Variants in TNFSF4 observed in about 807,000 individuals in gnomAD.
The protein encoded by TNFSF4 is TNF superfamily member 4.
A neutral mutation model predicts 7.3 loss-of-function variants in TNFSF4; 4 were observed. That is an observed-to-expected ratio of 0.55 (90% CI 0.27 to 1.25). The LOEUF is 1.25. Ranked by LOEUF, TNFSF4 falls within the 50% of genes most tolerant of loss-of-function variation. The probability of loss-of-function intolerance (pLI) is 0.12; values close to 1 mark genes in which losing one functional copy is unlikely to be tolerated. For synonymous variants in TNFSF4, 76 were observed against 83.7 expected (o/e 0.91, Z 0.50); for missense variants, 181 against 208.8 (o/e 0.87, Z 0.82).
the TNFSF4 span, among the ~76,000 whole-genome samples, chr1:173,173,837 A>G: frequency 5.3e-5 from 8 of 152,340 alleles, no homozygotes; most frequent in South Asian, 1.5e-3. Context: ...TCCAGGCCTC[A>G]GAGCCTGTGA....
chr1:173,193,929 A>G (rs571219812), intron 1 of TNFSF4, among the ~76,000 whole-genome samples: 1 of 152,342 alleles, frequency 6.6e-6, no homozygotes, highest in Admixed American at 6.5e-5. Context: ...CTAAATGTGC[A>G]TTAGAATCAC....
the TNFSF4 span, among the ~76,000 whole-genome samples, chr1:173,403,913 AAAG>A: frequency 1.3e-5 from 2 of 152,182 alleles, no homozygotes; most frequent in Admixed American, 6.5e-5. Context: ...AAAAAAAAAA[AAAG>A]AGAGTTTTCA....
At chr1:173,443,370 T>C in the TNFSF4 span, among the ~76,000 whole-genome samples, 5 of 152,302 alleles carry the variant, frequency 3.3e-5, no homozygotes, top group East Asian at 1.9e-4. Context: ...TAAATAAATT[T>C]TGATACTCAC....
chr1:173,374,430 T>TA, the TNFSF4 span, among the ~76,000 whole-genome samples: 58 of 152,046 alleles, frequency 3.8e-4, no homozygotes, highest in Non-Finnish European at 7.4e-4. Flanking sequence ...AGTGAAATCT[T>TA]AGATTCACCA....
the TNFSF4 span, among the ~76,000 whole-genome samples, chr1:173,427,419 C>G: frequency 1.3e-5 from 2 of 152,088 alleles, no homozygotes; most frequent in African/African-American, 2.4e-5. Flanking sequence ...AGCCCGCCCC[C>G]CCACTGACCC....
At chr1:173,441,751 G>A in the TNFSF4 span, among the ~76,000 whole-genome samples, 1 of 152,200 alleles carries the variant, frequency 6.6e-6, no homozygotes, top group Non-Finnish European at 1.5e-5. Flanking sequence ...TTGTGTATAG[G>A]TGAACAAGAA....
the TNFSF4 span, among the ~76,000 whole-genome samples, chr1:173,346,698 C>A: frequency 6.6e-6 from 1 of 152,054 alleles, no homozygotes; most frequent in Non-Finnish European, 1.5e-5. Context: ...AAATTATTAA[C>A]CCACCTTCCT....
chr1:173,362,895 T>C, the TNFSF4 span: 1 of 479,390 alleles, frequency 2.1e-6, no homozygotes, highest in Non-Finnish European at 4.2e-6. Context: ...AAATGGCACA[T>C]CACCCAAGCA....
the TNFSF4 span, among the ~76,000 whole-genome samples, chr1:173,321,560 A>C: frequency 6.6e-6 from 1 of 152,138 alleles, no homozygotes; most frequent in Admixed American, 6.5e-5. Flanking sequence ...AATGGGAGAA[A>C]ATTTTTGCAA....
the TNFSF4 span, among the ~76,000 whole-genome samples, chr1:173,411,752 A>G: frequency 6.6e-6 from 1 of 152,080 alleles, no homozygotes; most frequent in South Asian, 2.1e-4. Context: ...CAGTGAGCCA[A>G]GATCACACCA....
the TNFSF4 span, among the ~76,000 whole-genome samples, chr1:173,343,369 G>T: frequency 9.8e-4 from 149 of 152,222 alleles, no homozygotes; most frequent in African/African-American, 3.3e-3. Flanking sequence ...AGTTTGCCAT[G>T]CAGATATCTG....
chr1:173,308,267 T>TCTCTC, the TNFSF4 span, among the ~76,000 whole-genome samples: 652 of 132,890 alleles, frequency 4.9e-3, 5 homozygotes, highest in Non-Finnish European at 5.7e-3. Context: ...CTCTCTCTCT[T>TCTCTC]TCTCTCTCTC....
the TNFSF4 span, among the ~76,000 whole-genome samples, chr1:173,290,113 T>C: frequency 1.3e-5 from 2 of 152,108 alleles, no homozygotes; most frequent in Non-Finnish European, 2.9e-5. Flanking sequence ...GAAAACATCA[T>C]GAACATATCT....
the TNFSF4 span, among the ~76,000 whole-genome samples, chr1:173,445,967 C>CAAAT: frequency 2.0e-5 from 3 of 152,230 alleles, no homozygotes; most frequent in African/African-American, 7.2e-5. Context: ...ATTACCTACT[C>CAAAT]AAATAAGCAA....
rs1353980562 is a variant in TNFSF4, at chr1:173,186,097, T to A, written c.*419A>T. 6.1e-6 allele frequency: 1 copy of A among 164,826 alleles called. No individual in the cohort carries two copies. The highest frequency in any genetic ancestry group is 1.3e-5 in the Non-Finnish European group (1 of 74,744). The allele number at this position is 164,826 out of a possible 1,614,324, so 10.2% of individuals were successfully genotyped here. On this transcript the variant is annotated 3_prime_UTR_variant, in exon 3 of 3. Transcript: ENST00000281834. ...ATAACCCCACTCCTTCACTCCTTGC[T>A]CCTCTTCATTTTGATAATGCCACAC... is the stretch of plus-strand genomic sequence containing the variant.
the TNFSF4 span, among the ~76,000 whole-genome samples, chr1:173,234,080 A>T: frequency 1.3e-5 from 2 of 152,184 alleles, no homozygotes; most frequent in Non-Finnish European, 2.9e-5. Flanking sequence ...GAATCTACAA[A>T]GAACTCAAAC....
the TNFSF4 span, among the ~76,000 whole-genome samples, chr1:173,344,704 G>A: frequency 6.6e-6 from 1 of 152,146 alleles, no homozygotes; most frequent in East Asian, 1.9e-4. Context: ...ATAACCCTAA[G>A]AAAACACCTC....
chr1:173,316,694 T>A, the TNFSF4 span, among the ~76,000 whole-genome samples: 1 of 152,068 alleles, frequency 6.6e-6, no homozygotes, highest in Non-Finnish European at 1.5e-5. Flanking sequence ...GACAAAAAAA[T>A]TGTGATGGCT....
chr1:173,236,083 T>C, the TNFSF4 span, among the ~76,000 whole-genome samples: 1 of 152,172 alleles, frequency 6.6e-6, no homozygotes, highest in African/African-American at 2.4e-5. Flanking sequence ...ATTCCTTTCC[T>C]AAGTAATTTA....
Sources: allele counts gnomAD v4.1 joint callset (sites outside exome capture counted in the v4.1 genomes callset), GRCh38; gene constraint gnomAD v4.1.1; transcripts MANE v1.5; gene names NCBI Gene and HGNC (gene_info 2026-07-23, HGNC 2026-07-21).